The following DPY19L4 variants were observed in gnomAD, a reference collection of about 807,000 sequenced individuals.
DPY19L4 encodes dpy-19 like 4.
A neutral mutation model predicts 102.8 loss-of-function variants in DPY19L4; 97 were observed. The ratio of observed to expected loss-of-function variants is 0.94; its 90% CI spans 0.80 to 1.12. The LOEUF is 1.12. Ranked by LOEUF, DPY19L4 falls within the 50% of genes most tolerant of loss-of-function variation. The pLI is 0.00. For synonymous variants in DPY19L4, 252 were observed against 283.1 expected, an observed-to-expected ratio of 0.89 and a Z score of 1.10; for missense variants, 815 against 850.4, an observed-to-expected ratio of 0.96 and a Z score of 0.52.
chr8:94,766,896 A>C (rs770197454), intron 11 of DPY19L4, among the ~76,000 whole-genome samples: 25 of 151,776 alleles, frequency 1.6e-4, no homozygotes, highest in African/African-American at 2.2e-4. Context: ...AGACAACCAA[A>C]CAAACAAACA....
intron 2 of DPY19L4, among the ~76,000 whole-genome samples, chr8:94,733,811 G>T (rs937519900): frequency 1.3e-5 from 2 of 151,960 alleles, no homozygotes; most frequent in Non-Finnish European, 2.9e-5. Flanking sequence ...CAAAGTGGCG[G>T]GATTACAGAC....
intron 16 of DPY19L4, among the ~76,000 whole-genome samples, chr8:94,782,865 C>T (rs1356331719): frequency 6.6e-6 from 1 of 152,196 alleles, no homozygotes. Flanking sequence ...GAGGAAGTTA[C>T]ATCTCTGTAT....
chr8:94,738,542 T>G (rs1811295206), intron 4 of DPY19L4, 83 bp downstream of exon 4: 8 of 672,498 alleles, frequency 1.2e-5, no homozygotes, highest in Non-Finnish European at 1.7e-5. Context: ...CGAGACGGAG[T>G]CTTGCTCTGT....
intron 16 of DPY19L4, 65 bp from the exon 17 acceptor site, chr8:94,783,605 A>G (rs941454981): frequency 2.1e-5 from 33 of 1,537,348 alleles, no homozygotes; most frequent in African/African-American, 1.2e-4. Context: ...CAGAGTTGAT[A>G]TAGATCAGTG....
chr8:94,775,184 C>CTT (rs34816783), intron 13 of DPY19L4, among the ~76,000 whole-genome samples: 19,645 of 147,394 alleles, frequency 0.13, 1,386 homozygotes, highest in Non-Finnish European at 0.15. Context: ...CAGAGCTTTC[C>CTT]TTTTTTTTTT....
At position 94,768,475 on chromosome 8, in the gene DPY19L4, C is replaced by T. The variant is rs773017332; in HGVS notation, c.1256C>T (p.Ser419Phe). The change falls in exon 12 of 19, where the codon TCT becomes TTT. Residue 419 changes from serine to phenylalanine, a missense_variant. Ser to Phe is a radical substitution (Grantham distance 155). Transcript: ENST00000414645. ...SQDFFLRLTQ[S>F]SLLPFYILVL... is the part of the protein sequence containing the mutation. ...GATTTTTTTCTGCGATTGACACAGT[C>T]TTCTTTATTACCTTTCTACATTCTA... 3.1e-6 allele frequency: 5 copies of T among 1,602,304 alleles called. No individual in the cohort carries two copies. The highest frequency in any genetic ancestry group is 1.7e-5 in the Admixed American group (1 of 59,084).
In DPY19L4 at chr8:94,736,666, T is replaced by C. The variant is rs548100948; in HGVS notation, c.253-1703T>C. Among the ~76,000 whole-genome samples the C allele has an allele frequency of 5.3e-5, 8 of 152,346 alleles. No individual in the cohort carries two copies. In the South Asian group the frequency reaches 8.3e-4, roughly 16 times the overall value. ...CCTCCTAAGGTGATTTTTACTATTA[T>C]ATTCTTAGTTCTATTAGCCTGATTG... On this transcript the variant is annotated intron_variant, in intron 3 of 18. Coordinates refer to ENST00000414645, the MANE Select transcript of DPY19L4 (RefSeq NM_181787.3).
chr8:94,784,451 CAG>C (rs1813571399), intron 17 of DPY19L4, among the ~76,000 whole-genome samples: 1 of 151,746 alleles, frequency 6.6e-6, no homozygotes, highest in Non-Finnish European at 1.5e-5. Flanking sequence ...TTTTTTGAGA[CAG>C]AGTCTTGCTC....
At chr8:94,787,569 A>G (rs1395810917) in intron 17 of DPY19L4, among the ~76,000 whole-genome samples, 1 of 152,150 alleles carries the variant, frequency 6.6e-6, no homozygotes, top group Non-Finnish European at 1.5e-5. Context: ...TGGTTTTACT[A>G]CTTTTTGAAG....
intron 14 of DPY19L4, among the ~76,000 whole-genome samples, chr8:94,778,750 G>C (rs1378607088): frequency 2.0e-5 from 3 of 152,016 alleles, no homozygotes; most frequent in Non-Finnish European, 2.9e-5. Context: ...GGCAAATGAA[G>C]GGGAAAGAAA....
intron 8 of DPY19L4, among the ~76,000 whole-genome samples, chr8:94,764,689 G>GTGTGTGTGTGTATA (rs1415377058): frequency 3.4e-3 from 147 of 43,152 alleles, no homozygotes; most frequent in East Asian, 9.7e-3. Context: ...GTCTGTGTGT[G>GTGTGTGTGTGTATA]TATATATATA....
At chr8:94,777,827 A>T (rs1813257090) in intron 14 of DPY19L4, 41 bp downstream of exon 14, 1 of 1,571,792 alleles carries the variant, frequency 6.4e-7, no homozygotes, top group Non-Finnish European at 8.6e-7. Context: ...TAATTATATA[A>T]AATCAAATGC....
At chr8:94,738,660 T>C (rs1430321411) in intron 4 of DPY19L4, among the ~76,000 whole-genome samples, 5 of 151,678 alleles carry the variant, frequency 3.3e-5, no homozygotes, top group Non-Finnish European at 1.5e-5. Context: ...ATTAAAGGCA[T>C]GCACCACCAT....
chr8:94,760,012 A>G (rs1812334176), intron 7 of DPY19L4, among the ~76,000 whole-genome samples: 1 of 152,234 alleles, frequency 6.6e-6, no homozygotes, highest in Non-Finnish European at 1.5e-5. Context: ...CTACAGGCAC[A>G]GTGAAAGTGA....
chr8:94,735,897 A>G (rs577904163), intron 3 of DPY19L4, among the ~76,000 whole-genome samples: 1 of 152,202 alleles, frequency 6.6e-6, no homozygotes, highest in African/African-American at 2.4e-5. Context: ...AAGTATTTGC[A>G]TTCATAAAAA....
chr8:94,783,562 A>T, intron 16 of DPY19L4, 108 bp from the exon 17 acceptor site: 1 of 1,400,996 alleles, frequency 7.1e-7, no homozygotes, highest in Non-Finnish European at 9.4e-7. Flanking sequence ...ATTGAAACTG[A>T]AATGTGTAAA....
intron 2 of DPY19L4, among the ~76,000 whole-genome samples, chr8:94,731,973 G>C (rs1213090839): frequency 1.3e-5 from 2 of 151,960 alleles, no homozygotes; most frequent in Non-Finnish European, 2.9e-5. Context: ...GGGTTTTGCT[G>C]TGTTAGCCAG....
rs1011641446 is a variant in DPY19L4 at position 94,792,838 on chromosome 8, G to C, written c.*2928G>C. 2.0e-5 allele frequency: 3 copies of C among 151,860 alleles called. No individual in the cohort carries two copies. Among genetic ancestry groups the C allele is most frequent in the East Asian group, 1.9e-4 (1 of 5,162 alleles). The allele number at this position is 151,860 out of a possible 1,614,324, so 9.4% of individuals were successfully genotyped here. A position where few individuals can be genotyped will look rare whatever the true frequency, so the allele number is the denominator to read the frequency against. On this transcript the variant is annotated 3_prime_UTR_variant, in exon 19 of 19. Coordinates refer to ENST00000414645, the MANE Select transcript of DPY19L4 (RefSeq NM_181787.3). ...CCGCTGCACTCCAGCCTGGGCAACA[G>C]AGCAAGACTCCATCTCAAAAAGAAA...
intron 1 of DPY19L4, 71 bp downstream of exon 1, chr8:94,720,085 G>C (rs1810388990): frequency 6.7e-7 from 1 of 1,498,522 alleles, no homozygotes; most frequent in African/African-American, 1.5e-5. Context: ...GGGCGCTGGA[G>C]GTCTGGGTTG....
Sources: allele counts gnomAD v4.1 joint callset (sites outside exome capture counted in the v4.1 genomes callset), GRCh38; gene constraint gnomAD v4.1.1; transcripts MANE v1.5; gene names NCBI Gene and HGNC (gene_info 2026-07-23, HGNC 2026-07-21).